The following DNAJC1 variants were observed in gnomAD, a reference collection of about 807,000 sequenced individuals.
The protein encoded by DNAJC1 is DnaJ heat shock protein family (Hsp40) member C1.
Under a neutral mutation model 76.6 loss-of-function variants are expected in DNAJC1, and 58 were observed. That is an observed-to-expected ratio of 0.76 (90% CI 0.61 to 0.94). DNAJC1 has a LOEUF of 0.94. Among genes scored for constraint, DNAJC1 ranks in the 40% least tolerant of loss-of-function variants. DNAJC1 has a pLI of 0.00. For synonymous variants in DNAJC1, 258 were observed against 267.9 expected (o/e 0.96, Z 0.36); for missense variants, 689 against 677.3 (o/e 1.02, Z -0.19).
chr10:21,984,981 T>G (rs912024014), intron 1 of DNAJC1, among the ~76,000 whole-genome samples: 3 of 152,200 alleles, frequency 2.0e-5, no homozygotes, highest in Non-Finnish European at 2.9e-5. Context: ...TTTAAGTTCT[T>G]TTACAGACTA....
At chr10:21,798,253 T>C (rs1177418023) in intron 9 of DNAJC1, among the ~76,000 whole-genome samples, 1 of 152,192 alleles carries the variant, frequency 6.6e-6, no homozygotes, top group East Asian at 1.9e-4. Context: ...ACAACTGAAA[T>C]AGCCTCTTAC....
At chr10:21,812,978 T>C (rs924991507) in intron 8 of DNAJC1, among the ~76,000 whole-genome samples, 3 of 149,204 alleles carry the variant, frequency 2.0e-5, no homozygotes. Context: ...GTGGAAGGGA[T>C]AGGGTGTGTT....
intron 1 of DNAJC1, among the ~76,000 whole-genome samples, chr10:21,929,864 GA>G (rs1837192771): frequency 6.6e-6 from 1 of 152,162 alleles, no homozygotes; most frequent in South Asian, 2.1e-4. Flanking sequence ...AGATTAAGTG[GA>G]TATTAAAATT....
At chr10:21,777,352 A>C (rs955885504) in intron 9 of DNAJC1, among the ~76,000 whole-genome samples, 1 of 152,244 alleles carries the variant, frequency 6.6e-6, no homozygotes, top group Admixed American at 6.5e-5. Context: ...GGTTTCCTGT[A>C]ATCTGCAAAT....
intron 1 of DNAJC1, among the ~76,000 whole-genome samples, chr10:21,946,099 G>T (rs1272335041): frequency 8.4e-6 from 1 of 119,266 alleles, no homozygotes; most frequent in Non-Finnish European, 1.6e-5. Context: ...GGAGTGCAGT[G>T]GCGCGATCTC....
At chr10:21,772,500 T>A (rs912544957) in intron 9 of DNAJC1, among the ~76,000 whole-genome samples, 5 of 152,126 alleles carry the variant, frequency 3.3e-5, no homozygotes, top group African/African-American at 1.2e-4. Flanking sequence ...ATTAGAAAAA[T>A]AGCCATCTAA....
At chr10:21,940,024 A>T (rs1837379564) in intron 1 of DNAJC1, among the ~76,000 whole-genome samples, 1 of 151,906 alleles carries the variant, frequency 6.6e-6, no homozygotes, top group Admixed American at 6.6e-5. Context: ...TAGAAGGACT[A>T]AATAATAGAG....
intron 3 of DNAJC1, among the ~76,000 whole-genome samples, chr10:21,927,469 A>C (rs1422512330): frequency 6.6e-6 from 1 of 152,190 alleles, no homozygotes; most frequent in Non-Finnish European, 1.5e-5. Context: ...CCTAAATGTC[A>C]AATAGCCAGG....
chr10:21,851,573 T>C (rs922789228), intron 8 of DNAJC1, among the ~76,000 whole-genome samples: 1 of 152,184 alleles, frequency 6.6e-6, no homozygotes, highest in Admixed American at 6.5e-5. Flanking sequence ...GGAAAACAGG[T>C]TGATGGTACA....
At position 21,928,652 on chromosome 10, in the gene DNAJC1, T is replaced by C. The variant is rs981256098; in HGVS notation, c.325-100A>G. The C allele has an allele frequency of 4.5e-6, 4 of 884,358 alleles. No individual in the cohort carries two copies. In the African/African-American group the frequency reaches 5.0e-5, roughly 11 times the overall value. The allele number at this position is 884,358 out of a possible 1,614,324, so 54.8% of individuals were successfully genotyped here. ...CAATACACATGCAGAAAATCCTATGTGCCTATATATACAATAAACAGATGA... is the reference window on the plus strand; with the variant it reads ...CAATACACATGCAGAAAATCCTATGCGCCTATATATACAATAAACAGATGA... On this transcript the variant is annotated intron_variant, in intron 2 of 11. Coordinates refer to ENST00000376980, the MANE Select transcript of DNAJC1 (RefSeq NM_022365.4).
chr10:21,806,175 A>G (rs41277394), intron 8 of DNAJC1, 76 bp from the exon 9 acceptor site: 6 of 1,488,114 alleles, frequency 4.0e-6, no homozygotes, highest in Non-Finnish European at 5.4e-6. Context: ...AAAAAAAGAT[A>G]ATTGAGAGAT....
At chr10:21,788,808 C>T (rs1301903148) in intron 9 of DNAJC1, among the ~76,000 whole-genome samples, 1 of 152,142 alleles carries the variant, frequency 6.6e-6, no homozygotes, top group Non-Finnish European at 1.5e-5. Context: ...CAGAGCACAC[C>T]TTCTTCCCTG....
Position 21,904,607 on chromosome 10 carries a change from AGCATCCT to A in DNAJC1, c.730-2_734del, listed in dbSNP as rs1379395145. 1 of 1,586,738 alleles carries A rather than the reference AGCATCCT, an allele frequency of 6.3e-7. No homozygotes were observed. Among genetic ancestry groups the A allele is most frequent in the Non-Finnish European group, 8.6e-7 (1 of 1,165,914 alleles). On this transcript the variant is annotated splice_acceptor_variant and coding_sequence_variant, in exon 7 of 12. Transcript: ENST00000376980. LOFTEE classifies it high-confidence loss of function. The stretch of plus-strand genomic sequence containing the variant: ...CTTTATATTTAGCATAAAACTGCCC[AGCATCCT>A]TAAGAAAAAAAGTTATACATAAATT...
At chr10:21,954,032 G>C (rs1213368399) in intron 1 of DNAJC1, among the ~76,000 whole-genome samples, 1 of 151,406 alleles carries the variant, frequency 6.6e-6, no homozygotes, top group African/African-American at 2.4e-5. Context: ...ATTTTTTCTG[G>C]GCATTTTTAT....
chr10:21,794,430 G>A (rs1834730076), intron 9 of DNAJC1, among the ~76,000 whole-genome samples: 1 of 152,188 alleles, frequency 6.6e-6, no homozygotes, highest in South Asian at 2.1e-4. Flanking sequence ...GACATTTCAT[G>A]TTCATGAATT....
At chr10:21,937,016 C>T (rs1837321687) in intron 1 of DNAJC1, among the ~76,000 whole-genome samples, 1 of 152,014 alleles carries the variant, frequency 6.6e-6, no homozygotes, top group African/African-American at 2.4e-5. Context: ...AAACATGATC[C>T]ATCACAGCAA....
chr10:21,836,395 A>C (rs1431296229), intron 8 of DNAJC1, among the ~76,000 whole-genome samples: 1 of 152,204 alleles, frequency 6.6e-6, no homozygotes, highest in Non-Finnish European at 1.5e-5. Context: ...AAAGACCATC[A>C]AGGCTAGGAA....
intron 1 of DNAJC1, among the ~76,000 whole-genome samples, chr10:22,002,582 C>A (rs533670297): frequency 6.6e-6 from 1 of 152,298 alleles, no homozygotes; most frequent in South Asian, 2.1e-4. Context: ...CCTGGTTAGA[C>A]GCTTCAAATT....
intron 1 of DNAJC1, among the ~76,000 whole-genome samples, chr10:21,999,029 G>C (rs1228442158): frequency 2.6e-5 from 4 of 152,218 alleles, no homozygotes; most frequent in South Asian, 2.1e-4. Flanking sequence ...AGAGCTTAGA[G>C]AGTAACTGAG....
Sources: allele counts gnomAD v4.1 joint callset (sites outside exome capture counted in the v4.1 genomes callset), GRCh38; gene constraint gnomAD v4.1.1; transcripts MANE v1.5; gene names NCBI Gene and HGNC (gene_info 2026-07-23, HGNC 2026-07-21).